Variants in ZNF705G observed in about 807,000 individuals in gnomAD.
The protein encoded by ZNF705G is zinc finger protein 705G, also known as putative zinc finger protein 705G.
ZNF705G carries 23 observed loss-of-function variants against 19.6 expected under a neutral mutation model. That is an observed-to-expected ratio of 1.17 (90% confidence interval 0.84 to 1.66). The LOEUF is 1.66. Ranked by LOEUF, ZNF705G falls within the 40% of genes most tolerant of loss-of-function variation. The pLI is 0.00. For missense variants in ZNF705G, 457 were observed against 354.4 expected (o/e 1.29, Z -2.32); for synonymous variants, 146 against 117.7 (o/e 1.24, Z -1.56).
At chr8:7,383,476 A>G (rs28406470) in intron 1 of ZNF705G, among the ~76,000 whole-genome samples, 2,789 of 146,300 alleles carry the variant, frequency 0.019, 408 homozygotes, top group African/African-American at 0.075. Flanking sequence ...CGAGGTACTC[A>G]CGTATTTGTT....
intron 2 of ZNF705G, among the ~76,000 whole-genome samples, chr8:7,368,033 T>G (rs1385805003): frequency 6.7e-6 from 1 of 149,632 alleles, no homozygotes; most frequent in African/African-American, 2.6e-5. Context: ...CCCAAGGTCT[T>G]AAAGTCTTCA....
Position 7,358,354 on chromosome 8 carries a change from A to G in ZNF705G, c.525T>C (p.Asn175=). ...AATTAGTATAGGCCTTTTCACATAG[A>G]TTACACTGATATGATTTACCTTTAG... The part of the protein sequence containing the change: ...IHTKGKSYQC[N]LCEKAYTNCF... Residue 175 remains asparagine, a synonymous_variant, in exon 7 of 7, where the codon AAT becomes AAC. Transcript: ENST00000400156. 1 of 1,607,580 alleles carries G rather than the reference A, an allele frequency of 6.2e-7. No homozygotes were observed. The highest frequency in any genetic ancestry group is 1.1e-5 in the South Asian group (1 of 90,716).
rs1479503980 is a variant in ZNF705G at position 7,358,164 on chromosome 8, G to C, written c.715C>G (p.Gln239Glu). The stretch of plus-strand genomic sequence containing the variant: ...TCATGTCTTTGAAGGTTAAAGGATT[G>C]AATAAAGACTTTCCCATATTGATGA... ...KCHQYGKVFI[Q>E]SFNLQRHERT... Residue 239 changes from glutamine to glutamate, a missense_variant, in exon 7 of 7, where the codon CAA becomes GAA. Transcript: ENST00000400156. 5.0e-6 allele frequency: 8 copies of C among 1,607,356 alleles called. 1 individual carries two copies. Among genetic ancestry groups the C allele is most frequent in the African/African-American group, 4.2e-5 (3 of 71,056 alleles).
At chr8:7,370,345 GA>G (rs958041291) in intron 2 of ZNF705G, among the ~76,000 whole-genome samples, 2 of 148,156 alleles carry the variant, frequency 1.3e-5, no homozygotes, top group African/African-American at 2.6e-5. Flanking sequence ...ACAAATATAT[GA>G]AAAAAATTCT....
chr8:7,383,223 A>T lies in ZNF705G; in HGVS notation c.-221-1622T>A, dbSNP rs376979873. 1.9e-4 allele frequency among the ~76,000 whole-genome samples: 28 copies of T among 149,554 alleles called. 1 individual carries two copies. The highest frequency in any genetic ancestry group is 1.7e-3 in the East Asian group (9 of 5,176). Reference sequence around the variant, plus strand: ...TCTGCATAGATTACAACTAGGTGACACATTAGGGGCCAAAGAGTTTCTTAA... The same window carrying T: ...TCTGCATAGATTACAACTAGGTGACTCATTAGGGGCCAAAGAGTTTCTTAA... On this transcript the variant is annotated intron_variant, in intron 1 of 6. Transcript: ENST00000400156.
At chr8:7,368,781 A>C (rs188497071) in intron 2 of ZNF705G, among the ~76,000 whole-genome samples, 5 of 149,612 alleles carry the variant, frequency 3.3e-5, no homozygotes, top group Admixed American at 3.3e-4. Context: ...GCTCACAGCA[A>C]TCTAGGTCTC....
At chr8:7,361,497 A>C in intron 3 of ZNF705G, among the ~76,000 whole-genome samples, 1 of 149,760 alleles carries the variant, frequency 6.7e-6, no homozygotes, top group Non-Finnish European at 1.5e-5. Context: ...ATTTTTCAGT[A>C]ATGTGTTAAT....
In ZNF705G at chr8:7,368,716, G is replaced by A. The variant is rs183438833; in HGVS notation, c.-71-5699C>T. Among the ~76,000 whole-genome samples the A allele has an allele frequency of 2.7e-3, 409 of 149,822 alleles. 43 individuals carry two copies. The highest frequency in any genetic ancestry group is 0.01 in the African/African-American group (395 of 39,208). ...AGCCCCTCTCCTCAAAGGCCTGGAG[G>A]CCTAGGAGGGAAGAATCATTTTGTG... On this transcript the variant is annotated intron_variant, in intron 2 of 6. Coordinates refer to ENST00000400156, the MANE Select transcript of ZNF705G (RefSeq NM_001164457.3).
At chr8:7,382,285 G>A (rs1337574931) in intron 1 of ZNF705G, among the ~76,000 whole-genome samples, 1 of 147,914 alleles carries the variant, frequency 6.8e-6, no homozygotes, top group Non-Finnish European at 1.5e-5. Context: ...ACCTGAGAAT[G>A]TTCCATCTAT....
At chr8:7,364,449 C>A (rs143978280) in intron 2 of ZNF705G, among the ~76,000 whole-genome samples, 4 of 149,572 alleles carry the variant, frequency 2.7e-5, no homozygotes, top group African/African-American at 1.0e-4. Flanking sequence ...CTCATAATAA[C>A]CCTGCTGATT....
rs569062867 is a variant in ZNF705G at position 7,363,160 on chromosome 8, C to T, written c.-71-143G>A. ...AACAGACACAAACATGCAGAGGCCT[C>T]TCCTCTTTTCCCGTGGTCAAAATTA... On this transcript the variant is annotated intron_variant, in intron 2 of 6. Coordinates refer to ENST00000400156, the MANE Select transcript of ZNF705G (RefSeq NM_001164457.3). 14 of 1,185,390 alleles carry T rather than the reference C, an allele frequency of 1.2e-5. No individual in the cohort carries two copies. In the Admixed American group the frequency reaches 2.3e-4, roughly 20 times the overall value. 73.4% of individuals were successfully genotyped at this position (1,185,390 alleles called of 1,614,324 possible).
chr8:7,363,376 T>C (rs1258244570), intron 2 of ZNF705G, among the ~76,000 whole-genome samples: 1 of 148,352 alleles, frequency 6.7e-6, no homozygotes, highest in Non-Finnish European at 1.5e-5. Context: ...AGATAAACAC[T>C]GGGATTTCTC....
chr8:7,363,794 G>GA (rs1405791422), intron 2 of ZNF705G, among the ~76,000 whole-genome samples: 2 of 149,146 alleles, frequency 1.3e-5, no homozygotes, highest in East Asian at 3.9e-4. Flanking sequence ...GCACTCCAGC[G>GA]AGGGTGACAG....
Position 7,369,354 on chromosome 8 carries a change from G to C in ZNF705G, c.-71-6337C>G, listed in dbSNP as rs538673725. Among the ~76,000 whole-genome samples, 522 of 149,518 alleles carry C rather than the reference G, an allele frequency of 3.5e-3. 57 individuals carry two copies. The highest frequency in any genetic ancestry group is 0.013 in the African/African-American group (488 of 38,926). Reference sequence around the variant, plus strand: ...GACTTCATGGCAAATGTCTACTACAGCAGTGCAGAGGGAAAATGTGGCGTT... The same window carrying C: ...GACTTCATGGCAAATGTCTACTACACCAGTGCAGAGGGAAAATGTGGCGTT... On this transcript the variant is annotated intron_variant, in intron 2 of 6. Coordinates refer to ENST00000400156, the MANE Select transcript of ZNF705G (RefSeq NM_001164457.3).
intron 3 of ZNF705G, among the ~76,000 whole-genome samples, chr8:7,362,335 C>G (rs538356989): frequency 2.0e-5 from 3 of 149,782 alleles, no homozygotes; most frequent in Admixed American, 6.6e-5. Context: ...CTTTAGTTGT[C>G]CTTTCACAAA....
At chr8:7,363,400 C>T (rs1222201406) in intron 2 of ZNF705G, among the ~76,000 whole-genome samples, 4 of 148,464 alleles carry the variant, frequency 2.7e-5, no homozygotes, top group Admixed American at 1.3e-4. Flanking sequence ...TTTTATTATC[C>T]TAGCTTTATG....
chr8:7,378,771 A>G (rs1807352582), intron 2 of ZNF705G, among the ~76,000 whole-genome samples: 1 of 145,440 alleles, frequency 6.9e-6, no homozygotes, highest in Non-Finnish European at 1.5e-5. Flanking sequence ...TTTAGGACTC[A>G]TGATTACATT....
chr8:7,361,051 T>C, intron 4 of ZNF705G, 59 bp downstream of exon 4: 1 of 1,592,316 alleles, frequency 6.3e-7, no homozygotes, highest in African/African-American at 1.4e-5. Flanking sequence ...GTTTTAACAC[T>C]TATTGAATGA....
chr8:7,369,006 G>A (rs944061123), intron 2 of ZNF705G, among the ~76,000 whole-genome samples: 3 of 149,636 alleles, frequency 2.0e-5, no homozygotes, highest in African/African-American at 7.7e-5. Flanking sequence ...CACATGGCTG[G>A]GGGGAGGCAG....
Sources: gnomAD v4.1 joint callset for allele counts (sites outside exome capture counted in the v4.1 genomes callset) on GRCh38, gnomAD v4.1.1 for gene constraint, MANE v1.5 for transcripts, NCBI Gene and HGNC (gene_info 2026-07-23, HGNC 2026-07-21) for gene names.